NBAS: variants seen among roughly 807,000 people sequenced by gnomAD.
NBAS encodes NBAS subunit of NRZ tethering complex.
In NBAS, 219 loss-of-function variants were observed where a neutral mutation model predicts 302.5. The observed-to-expected ratio is 0.72, with a 90% CI of 0.65 to 0.81. The LOEUF is 0.81. Ranked by LOEUF, NBAS falls within the 30% of genes least tolerant of loss-of-function variation. NBAS has a pLI of 0.00. For synonymous variants in NBAS, 1,118 were observed against 1,021.6 expected (o/e 1.09, Z -1.80); for missense variants, 2,932 against 2,841.6 (o/e 1.03, Z -0.72).
At position 15,557,693 on chromosome 2, in the gene NBAS, T is replaced by C. The variant is rs142147143; in HGVS notation, c.173-874A>G. Among the ~76,000 whole-genome samples, 886 of 152,314 alleles carry C rather than the reference T, an allele frequency of 5.8e-3. 1 individual carries two copies. Among genetic ancestry groups the C allele is most frequent in the Admixed American group, 8.4e-3 (128 of 15,296 alleles). Reference sequence around the variant, plus strand: ...AATTCACTGGTATAAGGATGGACTTTGAAGCCAGAAAGACATGCAGTCAAA... The same window carrying C: ...AATTCACTGGTATAAGGATGGACTTCGAAGCCAGAAAGACATGCAGTCAAA... On this transcript the variant is annotated intron_variant, in intron 2 of 51. Transcript: ENST00000281513.
intron 38 of NBAS, among the ~76,000 whole-genome samples, chr2:15,314,040 T>A (rs999739358): frequency 3.9e-5 from 6 of 152,196 alleles, no homozygotes; most frequent in Admixed American, 1.3e-4. Context: ...AACTGTAAAC[T>A]CTAGATAAAA....
chr2:15,244,968 C>T (rs1158325815), intron 44 of NBAS, among the ~76,000 whole-genome samples: 2 of 152,066 alleles, frequency 1.3e-5, no homozygotes, highest in East Asian at 1.9e-4. Flanking sequence ...CCCGATTTTC[C>T]AGTCCCACTC....
chr2:15,318,028 C>T (rs1671599751), intron 38 of NBAS, among the ~76,000 whole-genome samples: 1 of 152,206 alleles, frequency 6.6e-6, no homozygotes, highest in Non-Finnish European at 1.5e-5. Flanking sequence ...AAGGGAAGCC[C>T]ATCAGACTAA....
intron 11 of NBAS, among the ~76,000 whole-genome samples, chr2:15,493,063 T>G (rs1054284494): frequency 3.3e-5 from 5 of 152,188 alleles, no homozygotes; most frequent in African/African-American, 1.2e-4. Flanking sequence ...GCTGTTCTCA[T>G]GCTAGTGAGT....
rs766116876 is a variant in NBAS, at chr2:15,379,631, G to T, written c.3561C>A (p.Asn1187Lys). Residue 1187 changes from asparagine to lysine, a missense_variant, in exon 30 of 52, where the codon AAC becomes AAA. Coordinates refer to ENST00000281513, the MANE Select transcript of NBAS (RefSeq NM_015909.4). The stretch of plus-strand genomic sequence containing the variant: ...CTAGATCCATGCAGCTATCAGTGAG[G>T]TTGGTAGAAGAATTGAAGTACTCTC... ...ASREYFNSST[N>K]LTDSCMDLAR... The T allele has an allele frequency of 6.2e-7, 1 of 1,613,724 alleles. No homozygotes were observed. The highest frequency in any genetic ancestry group is 1.3e-5 in the African/African-American group (1 of 74,832).
chr2:14,829,355 C>A, the NBAS span, among the ~76,000 whole-genome samples: 1 of 152,106 alleles, frequency 6.6e-6, no homozygotes, highest in Admixed American at 6.6e-5. Context: ...TGTTTCTCTA[C>A]TGAAATGCAC....
chr2:15,443,826 T>C (rs1440067582), intron 21 of NBAS, among the ~76,000 whole-genome samples: 1 of 152,066 alleles, frequency 6.6e-6, no homozygotes, highest in Non-Finnish European at 1.5e-5. Flanking sequence ...AAAATCAATG[T>C]ACAAAAATCA....
At chr2:15,095,540 T>G in the NBAS span, among the ~76,000 whole-genome samples, 2 of 151,952 alleles carry the variant, frequency 1.3e-5, no homozygotes, top group Admixed American at 1.3e-4. Flanking sequence ...ATTATGGGAG[T>G]AAAGTTCAAG....
intron 48 of NBAS, among the ~76,000 whole-genome samples, chr2:15,210,548 T>C (rs549460203): frequency 2.6e-5 from 4 of 152,236 alleles, no homozygotes; most frequent in Non-Finnish European, 4.4e-5. Context: ...ACAAAAACTA[T>C]GGAGAAGAGT....
intron 44 of NBAS, among the ~76,000 whole-genome samples, chr2:15,262,125 G>T (rs777229144): frequency 5.3e-5 from 8 of 152,160 alleles, no homozygotes; most frequent in Non-Finnish European, 1.2e-4. Context: ...CCAGCATAAA[G>T]CTTAGAACTT....
At chr2:14,987,430 C>T in the NBAS span, among the ~76,000 whole-genome samples, 1 of 151,610 alleles carries the variant, frequency 6.6e-6, no homozygotes, top group Non-Finnish European at 1.5e-5. Flanking sequence ...ATTTTACCGA[C>T]ATAGCCTGGC....
the NBAS span, among the ~76,000 whole-genome samples, chr2:15,002,966 C>T: frequency 6.6e-6 from 1 of 152,260 alleles, no homozygotes; most frequent in Admixed American, 6.5e-5. Context: ...CCTTGGCCAG[C>T]CCAGAAGGGG....
chr2:15,313,022 T>G (rs1399444717), intron 38 of NBAS, among the ~76,000 whole-genome samples: 1 of 152,232 alleles, frequency 6.6e-6, no homozygotes, highest in Non-Finnish European at 1.5e-5. Context: ...TTAATTTTAC[T>G]CAAGCACTCA....
chr2:15,369,767 T>C (rs534440490), intron 31 of NBAS, among the ~76,000 whole-genome samples: 1 of 152,324 alleles, frequency 6.6e-6, no homozygotes, highest in African/African-American at 2.4e-5. Context: ...GCAGAAATCA[T>C]GAATATATCT....
chr2:15,186,618 T>C (rs1288900345), intron 50 of NBAS, 124 bp downstream of exon 50: 7 of 1,387,028 alleles, frequency 5.0e-6, no homozygotes, highest in African/African-American at 4.3e-5. Flanking sequence ...TCAGAAATTA[T>C]GGCCTTTACC....
At chr2:15,374,554 G>C in intron 31 of NBAS, 54 bp downstream of exon 31, 1 of 1,448,978 alleles carries the variant, frequency 6.9e-7, no homozygotes, top group South Asian at 1.1e-5. Context: ...AAGAATACTA[G>C]TAAATTGCTG....
chr2:15,396,505 C>T (rs939141557), intron 26 of NBAS, 30 bp from the exon 27 acceptor site: 3 of 1,455,084 alleles, frequency 2.1e-6, no homozygotes, highest in African/African-American at 1.4e-5. Context: ...AAAAAAAAAG[C>T]CCTTAAGTTT....
chr2:15,462,810 G>A (rs1407966722), intron 19 of NBAS, among the ~76,000 whole-genome samples: 2 of 152,040 alleles, frequency 1.3e-5, no homozygotes, highest in African/African-American at 4.8e-5. Flanking sequence ...TTATTCCAAG[G>A]GAGATTAAAT....
chr2:15,383,454 A>G (rs1675142996), intron 28 of NBAS, 137 bp from the exon 29 acceptor site: 3 of 718,280 alleles, frequency 4.2e-6, no homozygotes, highest in Non-Finnish European at 7.4e-6. Flanking sequence ...ATGATCAAAA[A>G]GAATATATCT....
Sources: gnomAD v4.1 joint callset for allele counts (sites outside exome capture counted in the v4.1 genomes callset) on GRCh38, gnomAD v4.1.1 for gene constraint, MANE v1.5 for transcripts, NCBI Gene and HGNC (gene_info 2026-07-23, HGNC 2026-07-21) for gene names.